Variants in TTLL7 observed in about 807,000 individuals in gnomAD.
TTLL7 encodes the protein tubulin tyrosine ligase like 7.
TTLL7 carries 53 observed loss-of-function variants against 120.2 expected under a neutral mutation model. The observed-to-expected ratio is 0.44, with a 90% CI of 0.35 to 0.55. The LOEUF (loss-of-function observed/expected upper bound fraction) is 0.55, where lower values mean the gene tolerates loss of function less well. TTLL7 is among the 20% of genes least tolerant of loss of function. The pLI, the probability that TTLL7 is intolerant of heterozygous loss-of-function variation, is 0.00. For synonymous variants in TTLL7, 353 were observed against 351.7 expected (o/e 1.00, Z -0.04); for missense variants, 803 against 1,054.7 (o/e 0.76, Z 3.31).
In TTLL7 at chr1:83,865,642, T is replaced by C. The variant is rs538414641; in HGVS notation, c.*4320A>G. On this transcript the variant is annotated 3_prime_UTR_variant, in exon 21 of 21. Coordinates refer to ENST00000260505, the MANE Select transcript of TTLL7 (RefSeq NM_024686.6). Reference sequence around the variant, plus strand: ...TTGTAGCCATATATCTTGCTTTATATGTATCCAGACAATAAACGCTTTTTT... The same window carrying C: ...TTGTAGCCATATATCTTGCTTTATACGTATCCAGACAATAAACGCTTTTTT... The C allele has an allele frequency of 6.6e-6, 1 of 152,062 alleles. No individual in the cohort carries two copies. 9.4% of individuals were successfully genotyped at this position (152,062 alleles called of 1,614,324 possible). A position where few individuals can be genotyped will look rare whatever the true frequency, so the allele number is the denominator to read the frequency against.
intron 20 of TTLL7, among the ~76,000 whole-genome samples, chr1:83,880,972 G>A (rs1305143208): frequency 6.6e-6 from 1 of 152,052 alleles, no homozygotes; most frequent in Non-Finnish European, 1.5e-5. Flanking sequence ...AGAAACCTGA[G>A]AAAAATAAGC....
rs560186472 is a variant in TTLL7 at position 83,914,572 on chromosome 1, C to T, written c.1587+3032G>A. On this transcript the variant is annotated intron_variant, in intron 14 of 20. Transcript: ENST00000260505. ...GTCTCAATCTCTTGACCTCGTGATC[C>T]GCCTGCCTTGGCCTCCCAAAGTGCT... Among the ~76,000 whole-genome samples, 48 of 152,124 alleles carry T rather than the reference C, an allele frequency of 3.2e-4. 1 individual carries two copies. The South Asian group carries it at 5.6e-3, about 18-fold the overall frequency.
intron 7 of TTLL7, among the ~76,000 whole-genome samples, chr1:83,939,542 G>A (rs1346779173): frequency 2.6e-5 from 4 of 152,138 alleles, no homozygotes; most frequent in African/African-American, 9.7e-5. Flanking sequence ...TCATTTGCAA[G>A]AAATAGAAGC....
intron 1 of TTLL7, among the ~76,000 whole-genome samples, chr1:83,992,514 CA>C (rs1653094021): frequency 6.6e-6 from 1 of 152,002 alleles, no homozygotes; most frequent in South Asian, 2.1e-4. Context: ...CAAATACTAG[CA>C]TCTACTGTCA....
chr1:83,935,944 T>C (rs767794892), intron 8 of TTLL7, among the ~76,000 whole-genome samples: 9 of 152,150 alleles, frequency 5.9e-5, no homozygotes, highest in Admixed American at 2.6e-4. Context: ...ATAAAAGTAC[T>C]TGAAAAGCTA....
intron 9 of TTLL7, among the ~76,000 whole-genome samples, chr1:83,930,839 A>G (rs1197476910): frequency 6.6e-6 from 1 of 152,076 alleles, no homozygotes; most frequent in African/African-American, 2.4e-5. Context: ...AAGCCATCTC[A>G]GATCTCAATC....
At chr1:83,985,579 A>G (rs1267455936) in intron 1 of TTLL7, among the ~76,000 whole-genome samples, 4 of 152,192 alleles carry the variant, frequency 2.6e-5, no homozygotes, top group African/African-American at 9.7e-5. Flanking sequence ...TTTTTAAAAG[A>G]TAAGACTCAA....
intron 6 of TTLL7, among the ~76,000 whole-genome samples, chr1:83,945,505 A>C (rs1648401116): frequency 6.6e-6 from 1 of 152,216 alleles, no homozygotes; most frequent in African/African-American, 2.4e-5. Context: ...CTTCAACAAT[A>C]ACAGTTGGGT....
intron 15 of TTLL7, among the ~76,000 whole-genome samples, chr1:83,910,142 G>A (rs1557614451): frequency 6.6e-6 from 1 of 152,102 alleles, no homozygotes. Flanking sequence ...TATAAACAAA[G>A]ACCATTCCTC....
intron 1 of TTLL7, chr1:83,979,148 G>A (rs1313041617): frequency 6.6e-6 from 1 of 152,190 alleles, no homozygotes; most frequent in Non-Finnish European, 1.5e-5. Context: ...TTAACGGGAG[G>A]CCAGCCACAC....
At chr1:83,977,823 T>C (rs1046288504) in intron 1 of TTLL7, among the ~76,000 whole-genome samples, 12 of 152,192 alleles carry the variant, frequency 7.9e-5, no homozygotes, top group Non-Finnish European at 1.5e-5. Flanking sequence ...GAAAGTCATA[T>C]TGTGACTGCA....
intron 13 of TTLL7, among the ~76,000 whole-genome samples, chr1:83,919,380 C>T (rs1328176094): frequency 2.0e-5 from 3 of 151,650 alleles, no homozygotes; most frequent in South Asian, 2.1e-4. Context: ...AAAATAAAAA[C>T]GCTACAAACC....
intron 14 of TTLL7, among the ~76,000 whole-genome samples, chr1:83,916,796 T>C (rs1658227244): frequency 6.6e-6 from 1 of 152,046 alleles, no homozygotes; most frequent in Admixed American, 6.6e-5. Context: ...TTGACATATA[T>C]CAGAAGAACA....
At position 83,866,244 on chromosome 1, in the gene TTLL7, T is replaced by A. The variant is rs1215772373; in HGVS notation, c.*3718A>T. On this transcript the variant is annotated 3_prime_UTR_variant, in exon 21 of 21. Coordinates refer to ENST00000260505, the MANE Select transcript of TTLL7 (RefSeq NM_024686.6). Reference sequence around the variant, plus strand: ...TTAGAAAATCAAATAATGGCATTTCTGCAGCTATCAATTTTTTGATACTTT... The same window carrying A: ...TTAGAAAATCAAATAATGGCATTTCAGCAGCTATCAATTTTTTGATACTTT... 6.6e-6 allele frequency: 1 copy of A among 151,886 alleles called. No homozygotes were observed. Among genetic ancestry groups the A allele is most frequent in the East Asian group, 1.9e-4 (1 of 5,200 alleles). 9.4% of individuals were successfully genotyped at this position (151,886 alleles called of 1,614,324 possible).
At chr1:83,957,128 G>A (rs918809539) in intron 1 of TTLL7, among the ~76,000 whole-genome samples, 9 of 152,108 alleles carry the variant, frequency 5.9e-5, no homozygotes, top group Non-Finnish European at 1.3e-4. Flanking sequence ...TTCTTAGGCT[G>A]CAAAAGTAAA....
chr1:83,869,538 T>C lies in TTLL7; in HGVS notation c.*424A>G, dbSNP rs948384281. 11 of 154,018 alleles carry C rather than the reference T, an allele frequency of 7.1e-5. No individual in the cohort carries two copies. In the Admixed American group the frequency reaches 7.2e-4, roughly 10 times the overall value. 9.5% of individuals were successfully genotyped at this position (154,018 alleles called of 1,614,324 possible). On this transcript the variant is annotated 3_prime_UTR_variant, in exon 21 of 21. Transcript: ENST00000260505. ...TATGAGAATTTTTAAGGTATTATACTAAACCCTTTTTCAGGTCAAAAGGCA... is the reference window on the plus strand; with the variant it reads ...TATGAGAATTTTTAAGGTATTATACCAAACCCTTTTTCAGGTCAAAAGGCA...
At chr1:83,918,951 C>A (rs1251385257) in intron 13 of TTLL7, among the ~76,000 whole-genome samples, 1 of 151,954 alleles carries the variant, frequency 6.6e-6, no homozygotes, top group Non-Finnish European at 1.5e-5. Context: ...GAATCCTGAG[C>A]TACTATATTG....
Position 83,911,819 on chromosome 1 carries a change from GTGTA to G in TTLL7, c.1588-460_1588-457del, listed in dbSNP as rs773591392. 7.9e-5 allele frequency among the ~76,000 whole-genome samples: 12 copies of G among 151,994 alleles called. No homozygotes were observed. The East Asian group carries it at 2.1e-3, about 27-fold the overall frequency. Reference sequence around the variant, plus strand: ...TGTGCACGTGCAAGTGCATCTGTGTGTGTATGTGTGTGGTGTGTGTGTGTCTGTG... The same window carrying G: ...TGTGCACGTGCAAGTGCATCTGTGTGTGTGTGTGGTGTGTGTGTGTCTGTG... On this transcript the variant is annotated intron_variant, in intron 14 of 20. Transcript: ENST00000260505.
In TTLL7 at chr1:83,907,570, C is replaced by T. The variant is rs774452236; in HGVS notation, c.1878G>A (p.Met626Ile). Residue 626 changes from methionine to isoleucine, a missense_variant, in exon 16 of 21, where the codon ATG (methionine) becomes ATA (isoleucine). Around this residue, in one of 3 missense-constraint regions of TTLL7, gnomAD observed 388 missense variants for 450.4 expected, o/e 0.86. Coordinates refer to ENST00000260505, the MANE Select transcript of TTLL7 (RefSeq NM_024686.6). ...CAGAAGTTGGCCGTGACACAGATAT[C>T]ATTTGTTGAGCAGAAAATGGGCGGG... ...GDTRPFSAQQ[M>I]ISVSRPTSAS... The T allele has an allele frequency of 2.9e-5, 47 of 1,613,224 alleles. No individual in the cohort carries two copies. The highest frequency in any genetic ancestry group is 8.9e-5 in the East Asian group (4 of 44,852).
Sources: gnomAD v4.1 joint callset for allele counts (sites outside exome capture counted in the v4.1 genomes callset) on GRCh38, gnomAD v4.1.1 for gene constraint, gnomAD v4.1.1 regional missense constraint, MANE v1.5 for transcripts, NCBI Gene and HGNC (gene_info 2026-07-23, HGNC 2026-07-21) for gene names.